Variants in KCNH5 observed in about 807,000 individuals in gnomAD.
KCNH5 encodes voltage-gated delayed rectifier potassium channel KCNH5.
KCNH5 carries 46 observed loss-of-function variants against 96.1 expected under a neutral mutation model. The ratio of observed to expected loss-of-function variants is 0.48; its 90% CI spans 0.38 to 0.61. KCNH5 has a LOEUF of 0.61. Among genes scored for constraint, KCNH5 ranks in the 20% least tolerant of loss-of-function variants. The pLI, the probability that KCNH5 is intolerant of heterozygous loss-of-function variation, is 0.00. For synonymous variants in KCNH5, 439 were observed against 449.8 expected (o/e 0.98, Z 0.30); for missense variants, 907 against 1,225.8 (o/e 0.74, Z 3.88).
chr14:62,705,584 G>A lies in KCNH5; in HGVS notation c.*1924C>T, dbSNP rs534789972. 3 of 152,038 alleles carry A rather than the reference G, an allele frequency of 2.0e-5. No individual in the cohort carries two copies. The highest frequency in any genetic ancestry group is 3.4e-3 in the Middle Eastern group (1 of 294). The allele number at this position is 152,038 out of a possible 1,614,324, so 9.4% of individuals were successfully genotyped here. Reference sequence around the variant, plus strand: ...CCTGAAAACTTCCATTATGGTTAATGGAAGTTATACGCATAAAGAAAGGAA... The same window carrying A: ...CCTGAAAACTTCCATTATGGTTAATAGAAGTTATACGCATAAAGAAAGGAA... On this transcript the variant is annotated 3_prime_UTR_variant, in exon 11 of 11. Coordinates refer to ENST00000322893, the MANE Select transcript of KCNH5 (RefSeq NM_139318.5).
At chr14:63,016,326 A>G (rs1891325952) in intron 2 of KCNH5, among the ~76,000 whole-genome samples, 2 of 152,088 alleles carry the variant, frequency 1.3e-5, no homozygotes, top group Admixed American at 1.3e-4. Flanking sequence ...TATAAATGTC[A>G]GATTCTGTTG....
At chr14:62,982,856 G>A (rs1366169760) in intron 5 of KCNH5, among the ~76,000 whole-genome samples, 1 of 152,110 alleles carries the variant, frequency 6.6e-6, no homozygotes, top group East Asian at 1.9e-4. Context: ...GCCATTATCA[G>A]TACCTCAGTT....
At chr14:62,840,217 A>G (rs1441572948) in intron 8 of KCNH5, among the ~76,000 whole-genome samples, 1 of 152,180 alleles carries the variant, frequency 6.6e-6, no homozygotes, top group Non-Finnish European at 1.5e-5. Context: ...TCTTAAATTT[A>G]TATATGCCAT....
chr14:63,041,929 T>C (rs1468582224), intron 1 of KCNH5, among the ~76,000 whole-genome samples: 1 of 152,176 alleles, frequency 6.6e-6, no homozygotes, highest in Non-Finnish European at 1.5e-5. Flanking sequence ...TTTGGAACTT[T>C]ATTAAGAAAT....
intron 6 of KCNH5, among the ~76,000 whole-genome samples, chr14:62,967,120 C>T (rs1566725001): frequency 6.6e-6 from 1 of 152,162 alleles, no homozygotes; most frequent in East Asian, 1.9e-4. Context: ...AAGAGATATG[C>T]TCATATCTGA....
At chr14:62,903,225 T>C (rs1888963243) in intron 7 of KCNH5, among the ~76,000 whole-genome samples, 2 of 152,244 alleles carry the variant, frequency 1.3e-5, no homozygotes, top group Non-Finnish European at 2.9e-5. Flanking sequence ...CTTCACTCCA[T>C]AAAAGATGGA....
At chr14:62,988,233 A>G (rs926095466) in intron 4 of KCNH5, among the ~76,000 whole-genome samples, 8 of 152,112 alleles carry the variant, frequency 5.3e-5, no homozygotes, top group African/African-American at 1.9e-4. Flanking sequence ...AAAAGCTCCA[A>G]TTCATTAAAA....
chr14:62,751,943 T>C (rs972951872), intron 10 of KCNH5, among the ~76,000 whole-genome samples: 4 of 152,248 alleles, frequency 2.6e-5, no homozygotes, highest in Admixed American at 6.5e-5. Context: ...AGTGTTAGTA[T>C]ATTTCCTGAT....
At chr14:62,764,679 A>G (rs568643043) in intron 10 of KCNH5, among the ~76,000 whole-genome samples, 3 of 152,352 alleles carry the variant, frequency 2.0e-5, no homozygotes, top group African/African-American at 7.2e-5. Flanking sequence ...GTTTTGGGAT[A>G]CAGAATCGAT....
At chr14:62,767,884 A>T (rs1410399836) in intron 10 of KCNH5, among the ~76,000 whole-genome samples, 1 of 152,220 alleles carries the variant, frequency 6.6e-6, no homozygotes, top group African/African-American at 2.4e-5. Flanking sequence ...CATTATAAAC[A>T]ATAAAATAAT....
intron 2 of KCNH5, among the ~76,000 whole-genome samples, chr14:63,013,726 G>A (rs10134227): frequency 0.054 from 8,136 of 151,960 alleles, 251 homozygotes; most frequent in African/African-American, 0.068. Flanking sequence ...TTTTGGGTTT[G>A]TTGTTTTATT....
chr14:62,715,858 G>A (rs1031987939), intron 10 of KCNH5, among the ~76,000 whole-genome samples: 1 of 152,220 alleles, frequency 6.6e-6, no homozygotes, highest in Admixed American at 6.5e-5. Flanking sequence ...GAGGGAGGGA[G>A]GAAAGGAGGG....
intron 10 of KCNH5, among the ~76,000 whole-genome samples, chr14:62,742,661 C>A (rs1023895881): frequency 6.6e-6 from 1 of 152,196 alleles, no homozygotes; most frequent in Non-Finnish European, 1.5e-5. Context: ...TTTATTTACA[C>A]TTCTAAAGAT....
chr14:62,937,611 C>T (rs761578262), intron 7 of KCNH5, among the ~76,000 whole-genome samples: 2 of 152,108 alleles, frequency 1.3e-5, no homozygotes, highest in African/African-American at 2.4e-5. Flanking sequence ...TCATAGGTTT[C>T]GGAAAGGAGG....
intron 10 of KCNH5, among the ~76,000 whole-genome samples, chr14:62,719,813 A>G (rs1156520479): frequency 6.6e-6 from 1 of 152,232 alleles, no homozygotes; most frequent in Non-Finnish European, 1.5e-5. Context: ...GGACTCAAAT[A>G]CAGAAGTACA....
intron 7 of KCNH5, among the ~76,000 whole-genome samples, chr14:62,941,992 C>G (rs764402486): frequency 5.3e-5 from 8 of 152,156 alleles, no homozygotes; most frequent in Non-Finnish European, 8.8e-5. Context: ...AAACACTTCT[C>G]TTTCCAAAAG....
chr14:62,843,580 T>C (rs1440300837), intron 8 of KCNH5, among the ~76,000 whole-genome samples: 2 of 151,706 alleles, frequency 1.3e-5, no homozygotes, highest in African/African-American at 4.8e-5. Flanking sequence ...CCCAGCTAAT[T>C]TTTGTATTTT....
chr14:62,902,719 C>CTT (rs34264011), intron 7 of KCNH5, among the ~76,000 whole-genome samples: 4 of 144,800 alleles, frequency 2.8e-5, no homozygotes, highest in Non-Finnish European at 3.0e-5. Flanking sequence ...ATATCTATGT[C>CTT]TTTTTTTTTT....
intron 7 of KCNH5, among the ~76,000 whole-genome samples, chr14:62,939,710 C>T (rs1443186204): frequency 2.6e-5 from 4 of 152,074 alleles, no homozygotes; most frequent in Non-Finnish European, 4.4e-5. Flanking sequence ...GAGGCCAAGG[C>T]GGGTGGATCA....
Sources: allele counts gnomAD v4.1 joint callset (sites outside exome capture counted in the v4.1 genomes callset), GRCh38; gene constraint gnomAD v4.1.1; transcripts MANE v1.5; gene names NCBI Gene and HGNC (gene_info 2026-07-23, HGNC 2026-07-21).